Variants in PDLIM5 observed in about 807,000 individuals in gnomAD.
PDLIM5 encodes PDZ and LIM domain protein 5.
A neutral mutation model predicts 64.2 loss-of-function variants in PDLIM5; 34 were observed. The ratio of observed to expected loss-of-function variants is 0.53; its 90% CI spans 0.40 to 0.71. The LOEUF is 0.71. PDLIM5 is among the 30% of genes least tolerant of loss of function. The probability of loss-of-function intolerance (pLI) is 0.00; values close to 1 mark genes in which losing one functional copy is unlikely to be tolerated. For synonymous variants in PDLIM5, 253 were observed against 269.1 expected (o/e 0.94, Z 0.59); for missense variants, 683 against 733.6 (o/e 0.93, Z 0.80).
intron 3 of PDLIM5, among the ~76,000 whole-genome samples, chr4:94,544,071 A>T (rs562039916): frequency 6.6e-6 from 1 of 152,140 alleles, no homozygotes; most frequent in South Asian, 2.1e-4. Flanking sequence ...TTTTCCTCAC[A>T]TCCTCACCAA....
intron 2 of PDLIM5, among the ~76,000 whole-genome samples, chr4:94,516,651 G>A (rs914777440): frequency 3.3e-5 from 5 of 151,944 alleles, no homozygotes; most frequent in African/African-American, 1.2e-4. Flanking sequence ...AGCCTCCTGA[G>A]TAGCTGGGAC....
chr4:94,666,252 C>T lies in PDLIM5; in HGVS notation c.*2185C>T, dbSNP rs1743076604. The T allele has an allele frequency of 2.2e-6, 1 of 449,176 alleles. No individual in the cohort carries two copies. The allele number at this position is 449,176 out of a possible 1,614,324, so 27.8% of individuals were successfully genotyped here. ...GTCCTGAAAGCTGTTAATTTATGGT[C>T]TAGCAGATTTATATTATATGCAGAT... On this transcript the variant is annotated 3_prime_UTR_variant, in exon 13 of 13. Coordinates refer to ENST00000317968, the MANE Select transcript of PDLIM5 (RefSeq NM_006457.5).
intron 9 of PDLIM5, among the ~76,000 whole-genome samples, chr4:94,650,296 G>T (rs762275898): frequency 1.3e-5 from 2 of 152,230 alleles, no homozygotes; most frequent in South Asian, 2.1e-4. Context: ...TGGCTGTGTT[G>T]TTCTTTTGCC....
intron 7 of PDLIM5, among the ~76,000 whole-genome samples, chr4:94,592,228 GAAAT>G (rs1392788212): frequency 3.9e-5 from 6 of 152,166 alleles, no homozygotes; most frequent in African/African-American, 1.4e-4. Flanking sequence ...TTCAAAATGG[GAAAT>G]TAGGATTTAC....
rs142086215 is a variant in PDLIM5 at position 94,563,144 on chromosome 4, A to G, written c.249-10207A>G. Among the ~76,000 whole-genome samples the G allele has an allele frequency of 7.9e-3, 1,209 of 152,290 alleles. 12 individuals are homozygous for G. Among genetic ancestry groups the G allele is most frequent in the African/African-American group, 0.027 (1,132 of 41,562 alleles). ...ATAATATAAGAAGTTGTAAAAATAA[A>G]TATTTGAAAATTTAGCTGGCTTTTA... On this transcript the variant is annotated intron_variant, in intron 3 of 12. Transcript: ENST00000317968.
chr4:94,576,473 T>C (rs1451058819), intron 5 of PDLIM5, among the ~76,000 whole-genome samples: 7 of 152,340 alleles, frequency 4.6e-5, no homozygotes, highest in Non-Finnish European at 8.8e-5. Context: ...GGGTTTTTTT[T>C]CTAGGAGGTA....
chr4:94,601,566 T>C (rs943358059), intron 7 of PDLIM5, among the ~76,000 whole-genome samples: 3 of 152,230 alleles, frequency 2.0e-5, no homozygotes, highest in Non-Finnish European at 4.4e-5. Context: ...CCTTCTTTGC[T>C]CTTACAAAAA....
chr4:94,492,749 A>G (rs938894497), intron 2 of PDLIM5, among the ~76,000 whole-genome samples: 2 of 152,014 alleles, frequency 1.3e-5, no homozygotes, highest in African/African-American at 2.4e-5. Context: ...CCATTGTGTT[A>G]TCATATGTTT....
At chr4:94,580,059 A>G (rs1322128350) in intron 5 of PDLIM5, among the ~76,000 whole-genome samples, 1 of 152,158 alleles carries the variant, frequency 6.6e-6, no homozygotes, top group Non-Finnish European at 1.5e-5. Flanking sequence ...AAATTTGTTA[A>G]GAGAGATAAA....
chr4:94,615,717 G>A (rs1183467759), intron 7 of PDLIM5, among the ~76,000 whole-genome samples: 1 of 152,168 alleles, frequency 6.6e-6, no homozygotes, highest in African/African-American at 2.4e-5. Context: ...TGCTTAAGTG[G>A]CTTCTGGTGA....
intron 2 of PDLIM5, among the ~76,000 whole-genome samples, chr4:94,513,267 G>A (rs1431128540): frequency 6.6e-6 from 1 of 152,180 alleles, no homozygotes; most frequent in East Asian, 1.9e-4. Context: ...TTTCTGTGAA[G>A]AATGTCATTG....
chr4:94,592,860 C>T (rs543169717), intron 7 of PDLIM5, among the ~76,000 whole-genome samples: 1 of 152,314 alleles, frequency 6.6e-6, no homozygotes, highest in Admixed American at 6.5e-5. Flanking sequence ...AATCTGCCTG[C>T]CTCAGCCTCC....
intron 9 of PDLIM5, among the ~76,000 whole-genome samples, chr4:94,643,776 A>G (rs1444938708): frequency 2.0e-5 from 3 of 152,112 alleles, no homozygotes; most frequent in Admixed American, 1.3e-4. Flanking sequence ...AACATTATTG[A>G]TTTGTTTTTT....
intron 7 of PDLIM5, among the ~76,000 whole-genome samples, chr4:94,593,760 A>G (rs1005494597): frequency 3.3e-5 from 5 of 152,210 alleles, no homozygotes; most frequent in African/African-American, 1.2e-4. Flanking sequence ...TTTGTATACT[A>G]ATCCTCATTT....
chr4:94,601,237 A>G (rs1048228425), intron 7 of PDLIM5, among the ~76,000 whole-genome samples: 1 of 152,196 alleles, frequency 6.6e-6, no homozygotes, highest in African/African-American at 2.4e-5. Context: ...TTCTTAGTTC[A>G]TAGATGATGC....
intron 7 of PDLIM5, among the ~76,000 whole-genome samples, chr4:94,610,700 C>G (rs1348899085): frequency 1.3e-5 from 2 of 152,092 alleles, no homozygotes; most frequent in Non-Finnish European, 2.9e-5. Flanking sequence ...GAAGACTACT[C>G]TCCCCTAAAA....
chr4:94,542,071 G>A (rs1396894403), intron 3 of PDLIM5, among the ~76,000 whole-genome samples: 1 of 152,134 alleles, frequency 6.6e-6, no homozygotes, highest in Admixed American at 6.5e-5. Context: ...CAGCACTTTG[G>A]AAGGCTGAGG....
chr4:94,457,087 C>T, intron 2 of PDLIM5: 1 of 855,572 alleles, frequency 1.2e-6, no homozygotes, highest in South Asian at 5.4e-5. Context: ...TATACACACA[C>T]ATACTCTGCA....
chr4:94,547,264 A>T (rs1057139278), intron 3 of PDLIM5, among the ~76,000 whole-genome samples: 1 of 152,118 alleles, frequency 6.6e-6, no homozygotes, highest in Non-Finnish European at 1.5e-5. Flanking sequence ...AATGGGCTTC[A>T]CTAGGCTAAA....
Sources: allele counts gnomAD v4.1 joint callset (sites outside exome capture counted in the v4.1 genomes callset), GRCh38; gene constraint gnomAD v4.1.1; transcripts MANE v1.5; gene names NCBI Gene and HGNC (gene_info 2026-07-23, HGNC 2026-07-21).